ERBB4: variants seen among roughly 807,000 people sequenced by gnomAD.
ERBB4 encodes erb-b2 receptor tyrosine kinase 4.
ERBB4 carries 42 observed loss-of-function variants against 158.0 expected under a neutral mutation model. The observed-to-expected ratio is 0.27, with a 90% CI of 0.21 to 0.34. The LOEUF (loss-of-function observed/expected upper bound fraction) is 0.34, where lower values mean the gene tolerates loss of function less well. ERBB4 is among the 10% of genes least tolerant of loss of function. The pLI, the probability that ERBB4 is intolerant of heterozygous loss-of-function variation, is 1.00. For missense variants in ERBB4, 1,333 were observed against 1,624.1 expected (o/e 0.82, Z 3.08); for synonymous variants, 583 against 558.7 (o/e 1.04, Z -0.61).
At chr2:212,052,651 G>A (rs887021626) in intron 2 of ERBB4, among the ~76,000 whole-genome samples, 4 of 152,122 alleles carry the variant, frequency 2.6e-5, no homozygotes, top group Non-Finnish European at 5.9e-5. Flanking sequence ...GACCCTTTTG[G>A]TCTTGAAACT....
chr2:211,812,200 G>A (rs1022571352), intron 3 of ERBB4, among the ~76,000 whole-genome samples: 3 of 152,194 alleles, frequency 2.0e-5, no homozygotes, highest in Non-Finnish European at 4.4e-5. Context: ...GTGACTTACA[G>A]ATGGGGTTTT....
At chr2:212,055,798 C>G (rs1300185037) in intron 2 of ERBB4, among the ~76,000 whole-genome samples, 2 of 152,216 alleles carry the variant, frequency 1.3e-5, no homozygotes, top group Non-Finnish European at 2.9e-5. Context: ...CATCAAAGAA[C>G]AAAGGTAGAT....
intron 2 of ERBB4, among the ~76,000 whole-genome samples, chr2:212,118,759 T>C (rs954185169): frequency 2.0e-5 from 3 of 152,136 alleles, no homozygotes; most frequent in Non-Finnish European, 4.4e-5. Flanking sequence ...TTATTTCTTG[T>C]ACATTCAAAA....
rs143662840 is a variant in ERBB4, at chr2:211,775,984, T to C, written c.556+12041A>G. On this transcript the variant is annotated intron_variant, in intron 4 of 27. Transcript: ENST00000342788. ...GGTGAGTTGTATCGGGGTTTGTCTA[T>C]TATAGAACAGGCTCCTCTAGAGGGA... is the stretch of plus-strand genomic sequence containing the variant. 9.7e-4 allele frequency among the ~76,000 whole-genome samples: 147 copies of C among 152,306 alleles called. 1 individual carries two copies. In the East Asian group the frequency reaches 0.023, roughly 24 times the overall value.
At chr2:211,418,316 A>C (rs2125398398) in intron 25 of ERBB4, among the ~76,000 whole-genome samples, 1 of 152,292 alleles carries the variant, frequency 6.6e-6, no homozygotes, top group South Asian at 2.1e-4. Context: ...TTTCCGTAAA[A>C]GTTACGTAAA....
At chr2:212,095,777 A>G (rs2078911262) in intron 2 of ERBB4, among the ~76,000 whole-genome samples, 1 of 151,916 alleles carries the variant, frequency 6.6e-6, no homozygotes. Flanking sequence ...CTAAAAACAC[A>G]GAAAAAAATT....
intron 1 of ERBB4, among the ~76,000 whole-genome samples, chr2:212,431,378 A>G (rs2092027042): frequency 6.7e-6 from 1 of 149,728 alleles, no homozygotes; most frequent in Admixed American, 6.7e-5. Context: ...TTCATATCAT[A>G]TCTCTCAGTA....
chr2:211,953,465 CAAAA>C (rs36024345), intron 2 of ERBB4, among the ~76,000 whole-genome samples: 18 of 85,574 alleles, frequency 2.1e-4, no homozygotes, highest in Admixed American at 8.7e-4. Context: ...GGTTTTTCTC[CAAAA>C]AAAAAAAAAA....
intron 2 of ERBB4, among the ~76,000 whole-genome samples, chr2:211,998,275 C>T (rs2076014766): frequency 6.6e-6 from 1 of 151,286 alleles, no homozygotes; most frequent in Non-Finnish European, 1.5e-5. Flanking sequence ...TCCCTCATTT[C>T]TTTGATCTTT....
intron 20 of ERBB4, among the ~76,000 whole-genome samples, chr2:211,519,326 A>T (rs1029180672): frequency 2.6e-5 from 4 of 152,180 alleles, no homozygotes; most frequent in African/African-American, 9.6e-5. Flanking sequence ...TAGACTGTAG[A>T]TTGGCTGTAA....
intron 1 of ERBB4, among the ~76,000 whole-genome samples, chr2:212,279,779 T>C (rs1351998459): frequency 6.6e-6 from 1 of 151,624 alleles, no homozygotes; most frequent in East Asian, 1.9e-4. Context: ...TTTTTAAAAT[T>C]AAATTCCAAC....
At chr2:211,469,438 T>C (rs555820377) in intron 20 of ERBB4, among the ~76,000 whole-genome samples, 15 of 152,130 alleles carry the variant, frequency 9.9e-5, no homozygotes, top group Non-Finnish European at 1.0e-4. Flanking sequence ...CATGTGTACA[T>C]GAGATATGCA....
chr2:211,572,675 G>T (rs1019419007), intron 19 of ERBB4, among the ~76,000 whole-genome samples: 1 of 152,126 alleles, frequency 6.6e-6, no homozygotes, highest in Non-Finnish European at 1.5e-5. Flanking sequence ...TACTCATCTT[G>T]AAGTACTTCA....
chr2:211,850,274 C>G (rs769472406), intron 3 of ERBB4, among the ~76,000 whole-genome samples: 2 of 151,718 alleles, frequency 1.3e-5, no homozygotes, highest in Non-Finnish European at 2.9e-5. Flanking sequence ...TCTTTGAGTT[C>G]TTCCACTTTA....
intron 1 of ERBB4, among the ~76,000 whole-genome samples, chr2:212,438,607 C>A (rs991418980): frequency 6.6e-6 from 1 of 151,930 alleles, no homozygotes; most frequent in African/African-American, 2.4e-5. Flanking sequence ...CCTAATAATC[C>A]TAACTTTGGA....
At position 212,045,461 on chromosome 2, in the gene ERBB4, C is replaced by T. The variant is rs550200779; in HGVS notation, c.234+79291G>A. ...CAATAGAGGAGAGAGGAGATTCTGT[C>T]TCAACAAATTAAAGAAAGGAAAAAG... On this transcript the variant is annotated intron_variant, in intron 2 of 27. Coordinates refer to ENST00000342788, the MANE Select transcript of ERBB4 (RefSeq NM_005235.3). Among the ~76,000 whole-genome samples the T allele has an allele frequency of 5.3e-5, 8 of 152,264 alleles. No homozygotes were observed. In the South Asian group the frequency reaches 1.0e-3, roughly 20 times the overall value.
At chr2:212,132,007 G>A (rs2080120090) in intron 1 of ERBB4, among the ~76,000 whole-genome samples, 1 of 152,118 alleles carries the variant, frequency 6.6e-6, no homozygotes, top group Non-Finnish European at 1.5e-5. Context: ...AATACATTTT[G>A]TGTGTGGGTG....
At position 211,836,639 on chromosome 2, in the gene ERBB4, T is replaced by C. The variant is rs1479760332; in HGVS notation, c.422-48480A>G. 2.0e-5 allele frequency among the ~76,000 whole-genome samples: 3 copies of C among 152,026 alleles called. No homozygotes were observed. The South Asian group carries it at 6.2e-4, about 31-fold the overall frequency. The stretch of plus-strand genomic sequence containing the variant: ...TAGACCATGCATATCAGTTGAAGAA[T>C]AGTGAGAACACTACAAATATTCAAC... On this transcript the variant is annotated intron_variant, in intron 3 of 27. Coordinates refer to ENST00000342788, the MANE Select transcript of ERBB4 (RefSeq NM_005235.3).
chr2:212,153,181 C>T (rs2080925771), intron 1 of ERBB4, among the ~76,000 whole-genome samples: 1 of 152,200 alleles, frequency 6.6e-6, no homozygotes, highest in Non-Finnish European at 1.5e-5. Context: ...TCATTTGCAT[C>T]TTCTCTATAA....
Sources: allele counts gnomAD v4.1 joint callset (sites outside exome capture counted in the v4.1 genomes callset), GRCh38; gene constraint gnomAD v4.1.1; transcripts MANE v1.5; gene names NCBI Gene and HGNC (gene_info 2026-07-23, HGNC 2026-07-21).